EPHA3: variants seen among roughly 807,000 people sequenced by gnomAD.
EPHA3 encodes ephrin type-A receptor 3.
A neutral mutation model predicts 107.1 loss-of-function variants in EPHA3; 42 were observed. That is an observed-to-expected ratio of 0.39 (90% CI 0.31 to 0.51). The LOEUF is 0.51. Among genes scored for constraint, EPHA3 ranks in the 20% least tolerant of loss-of-function variants. The pLI, the probability that EPHA3 is intolerant of heterozygous loss-of-function variation, is 0.78. For missense variants in EPHA3, 1,183 were observed against 1,211.2 expected, an observed-to-expected ratio of 0.98 and a Z score of 0.35; for synonymous variants, 461 against 424.8, an observed-to-expected ratio of 1.09 and a Z score of -1.05.
At chr3:89,311,550 C>A (rs1329974813) in intron 3 of EPHA3, among the ~76,000 whole-genome samples, 1 of 151,940 alleles carries the variant, frequency 6.6e-6, no homozygotes, top group African/African-American at 2.4e-5. Context: ...ATAATTGAGT[C>A]AAGATATTTT....
chr3:89,369,728 A>G (rs1371531565), intron 5 of EPHA3, among the ~76,000 whole-genome samples: 2 of 148,308 alleles, frequency 1.3e-5, no homozygotes, highest in Non-Finnish European at 1.5e-5. Context: ...CAACCTACAA[A>G]ATGGGAGAAA....
chr3:89,357,284 C>T (rs1707987346), intron 5 of EPHA3, among the ~76,000 whole-genome samples: 1 of 150,322 alleles, frequency 6.7e-6, no homozygotes, highest in African/African-American at 2.4e-5. Flanking sequence ...TGACAGGAGA[C>T]AAAGATTTTA....
chr3:89,376,380 T>C (rs184848632), intron 5 of EPHA3, among the ~76,000 whole-genome samples: 115 of 151,870 alleles, frequency 7.6e-4, no homozygotes, highest in African/African-American at 2.6e-3. Context: ...TGTATATTTA[T>C]AATATGTATA....
intron 3 of EPHA3, among the ~76,000 whole-genome samples, chr3:89,301,855 T>C (rs1346686193): frequency 6.6e-6 from 1 of 152,002 alleles, no homozygotes; most frequent in Non-Finnish European, 1.5e-5. Context: ...TAAAAGTCAG[T>C]GGATGATGTT....
intron 3 of EPHA3, among the ~76,000 whole-genome samples, chr3:89,292,984 C>A (rs1301756014): frequency 2.0e-5 from 3 of 152,098 alleles, no homozygotes; most frequent in Admixed American, 6.6e-5. Context: ...ACTCTAGTTT[C>A]TTTATATCTT....
At chr3:89,145,851 G>T (rs1704545707) in intron 2 of EPHA3, among the ~76,000 whole-genome samples, 3 of 151,438 alleles carry the variant, frequency 2.0e-5, no homozygotes, top group Admixed American at 6.6e-5. Context: ...TATCATCAAA[G>T]AAGACACCAC....
At chr3:89,473,771 A>C (rs1710454473) in intron 16 of EPHA3, among the ~76,000 whole-genome samples, 2 of 152,098 alleles carry the variant, frequency 1.3e-5, no homozygotes, top group South Asian at 4.1e-4. Context: ...TTATCTTCAA[A>C]AGAAGTAGAA....
chr3:89,227,854 A>G (rs1229147578), intron 3 of EPHA3, among the ~76,000 whole-genome samples: 1 of 151,978 alleles, frequency 6.6e-6, no homozygotes, highest in Non-Finnish European at 1.5e-5. Context: ...TAGGTTGTTT[A>G]AATTGGAAAG....
rs756310392 is a variant in EPHA3 at position 89,395,934 on chromosome 3, G to A, written c.1404G>A (p.Leu468=). 6.2e-7 allele frequency: 1 copy of A among 1,613,836 alleles called. No individual in the cohort carries two copies. Among genetic ancestry groups the A allele is most frequent in the South Asian group, 1.1e-5 (1 of 91,012 alleles). The change falls in exon 6 of 17, where the codon TTG becomes TTA. Residue 468 remains leucine (L), a synonymous_variant. Coordinates refer to ENST00000336596, the MANE Select transcript of EPHA3 (RefSeq NM_005233.6). ...QEPEHPNGII[L]DYEVKYYEKQ... ...CTGAACATCCTAATGGGATCATATTGGACTACGAGGTCAAATACTATGAAA... is the reference window on the plus strand; with the variant it reads ...CTGAACATCCTAATGGGATCATATTAGACTACGAGGTCAAATACTATGAAA...
Position 89,313,009 on chromosome 3 carries a change from G to A in EPHA3, c.815-27907G>A, listed in dbSNP as rs140396970. On this transcript the variant is annotated intron_variant, in intron 3 of 16. Coordinates refer to ENST00000336596, the MANE Select transcript of EPHA3 (RefSeq NM_005233.6). The stretch of plus-strand genomic sequence containing the variant: ...ATTAATGGGCATTTAGGTTGATTCC[G>A]GGTCTTTGCTATTGTGAATTGTGTT... 5.1e-3 allele frequency among the ~76,000 whole-genome samples: 771 copies of A among 151,836 alleles called. 4 individuals are homozygous for A. Among genetic ancestry groups the A allele is most frequent in the African/African-American group, 0.018 (738 of 41,450 alleles).
At position 89,210,158 on chromosome 3, in the gene EPHA3, G is replaced by A; in HGVS notation, c.452G>A (p.Ser151Asn). ...ATTGACACCATTGCAGCTGATGAAA[G>A]TTTCACTCAAATGGATCTTGGGGAC... ...TKIDTIAADE[S>N]FTQMDLGDRI... Residue 151 changes from serine (S) to asparagine (N), a missense_variant, in exon 3 of 17, where the codon AGT becomes AAT. By Grantham distance (46) the Ser-to-Asn change is conservative. Transcript: ENST00000336596. The A allele has an allele frequency of 6.2e-7, 1 of 1,613,994 alleles. No homozygotes were observed. Among genetic ancestry groups the A allele is most frequent in the South Asian group, 1.1e-5 (1 of 91,076 alleles).
chr3:89,136,177 A>G (rs536421678), intron 2 of EPHA3, among the ~76,000 whole-genome samples: 11 of 152,130 alleles, frequency 7.2e-5, no homozygotes, highest in African/African-American at 2.6e-4. Context: ...ATCCAGGAAC[A>G]TCAAATTTTT....
At chr3:89,159,958 TTCC>T (rs2107067205) in intron 2 of EPHA3, among the ~76,000 whole-genome samples, 2 of 152,172 alleles carry the variant, frequency 1.3e-5, no homozygotes, top group South Asian at 4.1e-4. Flanking sequence ...CTTTTCCTTC[TTCC>T]TATTTTTGTA....
At chr3:89,126,876 T>C (rs1158701738) in intron 1 of EPHA3, among the ~76,000 whole-genome samples, 1 of 151,846 alleles carries the variant, frequency 6.6e-6, no homozygotes. Flanking sequence ...TATTTTGATA[T>C]GCTAGCATTA....
At chr3:89,162,301 C>T (rs1203038704) in intron 2 of EPHA3, among the ~76,000 whole-genome samples, 1 of 152,072 alleles carries the variant, frequency 6.6e-6, no homozygotes, top group Non-Finnish European at 1.5e-5. Context: ...ACATGCCATA[C>T]TCCAAATAAA....
At chr3:89,433,472 T>C (rs534297787) in intron 13 of EPHA3, among the ~76,000 whole-genome samples, 5 of 152,168 alleles carry the variant, frequency 3.3e-5, no homozygotes, top group Non-Finnish European at 7.4e-5. Context: ...GACACAATGC[T>C]GTTGGGATAT....
intron 3 of EPHA3, among the ~76,000 whole-genome samples, chr3:89,229,064 C>G (rs1704567190): frequency 6.6e-6 from 1 of 151,942 alleles, no homozygotes; most frequent in African/African-American, 2.4e-5. Flanking sequence ...TACAGAAAAG[C>G]ATTCTTCTCA....
At chr3:89,411,696 A>G (rs779896918) in intron 9 of EPHA3, among the ~76,000 whole-genome samples, 1 of 151,912 alleles carries the variant, frequency 6.6e-6, no homozygotes, top group African/African-American at 2.4e-5. Context: ...AGAATTGATC[A>G]TTTGTTAACA....
intron 3 of EPHA3, among the ~76,000 whole-genome samples, chr3:89,327,241 A>T (rs1485543892): frequency 1.3e-5 from 2 of 152,152 alleles, no homozygotes; most frequent in Non-Finnish European, 2.9e-5. Flanking sequence ...TACAAGATAT[A>T]TCAATTTTCA....
Sources: allele counts gnomAD v4.1 joint callset (sites outside exome capture counted in the v4.1 genomes callset), GRCh38; gene constraint gnomAD v4.1.1; transcripts MANE v1.5; gene names NCBI Gene and HGNC (gene_info 2026-07-23, HGNC 2026-07-21).